The following PFDN1 variants were observed in gnomAD, a reference collection of about 807,000 sequenced individuals.
PFDN1 encodes prefoldin subunit 1.
PFDN1 carries 6 observed loss-of-function variants against 17.3 expected under a neutral mutation model. The ratio of observed to expected loss-of-function variants is 0.35; its 90% CI spans 0.19 to 0.69. The LOEUF is 0.69. Among genes scored for constraint, PFDN1 ranks in the 30% least tolerant of loss-of-function variants. The probability of loss-of-function intolerance (pLI) is 0.65; values close to 1 mark genes in which losing one functional copy is unlikely to be tolerated. For missense variants in PFDN1, 113 were observed against 146.2 expected, an observed-to-expected ratio of 0.77 and a Z score of 1.17; for synonymous variants, 58 against 50.1, an observed-to-expected ratio of 1.16 and a Z score of -0.67.
chr5:140,279,220 G>A (rs975292969), intron 3 of PFDN1, among the ~76,000 whole-genome samples: 7 of 152,104 alleles, frequency 4.6e-5, no homozygotes, highest in East Asian at 3.8e-4. Flanking sequence ...TGGATGTACC[G>A]AGGGTGGAAA....
At chr5:140,260,423 A>G (rs1008559089) in intron 3 of PFDN1, among the ~76,000 whole-genome samples, 2 of 151,974 alleles carry the variant, frequency 1.3e-5, no homozygotes, top group Admixed American at 6.6e-5. Flanking sequence ...CAACAGCCAA[A>G]AAGGGGAAAA....
chr5:140,253,172 AAGAC>A lies in PFDN1; in HGVS notation c.286-7119_286-7116del, dbSNP rs1764939119. Among the ~76,000 whole-genome samples, 4 of 152,326 alleles carry A rather than the reference AAGAC, an allele frequency of 2.6e-5. No individual in the cohort carries two copies. The East Asian group carries it at 5.8e-4, about 22-fold the overall frequency. The stretch of plus-strand genomic sequence containing the variant: ...CTTTAGAAATATCCTTCAGAAAAGA[AAGAC>A]AGAAAAGACCCTTCAGAGGTCTTTC... On this transcript the variant is annotated intron_variant, in intron 3 of 3. Transcript: ENST00000261813.
intron 3 of PFDN1, among the ~76,000 whole-genome samples, chr5:140,248,174 T>G (rs974755042): frequency 1.3e-5 from 2 of 151,362 alleles, no homozygotes; most frequent in African/African-American, 4.9e-5. Flanking sequence ...GTTCACACGA[T>G]TCTCCCGCCT....
chr5:140,281,668 G>A, intron 2 of PFDN1, 135 bp from the exon 3 acceptor site: 2 of 623,056 alleles, frequency 3.2e-6, no homozygotes, highest in African/African-American at 1.9e-5. Flanking sequence ...GTCAAGCTCA[G>A]GAAACCACCA....
chr5:140,249,914 T>C (rs908309963), intron 3 of PFDN1, among the ~76,000 whole-genome samples: 9 of 152,184 alleles, frequency 5.9e-5, no homozygotes, highest in African/African-American at 2.2e-4. Flanking sequence ...GGGGATCAAA[T>C]TTTTTTGCGG....
At chr5:140,261,177 A>G (rs1172099390) in intron 3 of PFDN1, among the ~76,000 whole-genome samples, 2 of 151,764 alleles carry the variant, frequency 1.3e-5, no homozygotes, top group African/African-American at 4.8e-5. Context: ...AAAAAAAAAA[A>G]AAAAGAAAGG....
chr5:140,281,282 T>G, intron 3 of PFDN1, 167 bp downstream of exon 3: 1 of 531,100 alleles, frequency 1.9e-6, no homozygotes, highest in South Asian at 2.5e-5. Context: ...TGGTCTTATA[T>G]GCGCTATGAA....
At chr5:140,277,397 G>A (rs1765312828) in intron 3 of PFDN1, among the ~76,000 whole-genome samples, 1 of 152,196 alleles carries the variant, frequency 6.6e-6, no homozygotes, top group South Asian at 2.1e-4. Context: ...ATATCCTACT[G>A]CAGATGGTGG....
At chr5:140,268,212 T>C (rs1232083200) in intron 3 of PFDN1, among the ~76,000 whole-genome samples, 1 of 152,128 alleles carries the variant, frequency 6.6e-6, no homozygotes, top group Non-Finnish European at 1.5e-5. Flanking sequence ...AATGAAGTAA[T>C]ATGCAAAAAT....
intron 3 of PFDN1, among the ~76,000 whole-genome samples, chr5:140,251,056 TC>T (rs1030192584): frequency 1.3e-5 from 2 of 152,090 alleles, no homozygotes; most frequent in African/African-American, 4.8e-5. Flanking sequence ...CATCTCAGCC[TC>T]CCGAGTAGCT....
intron 3 of PFDN1, among the ~76,000 whole-genome samples, chr5:140,275,119 A>G (rs1352154030): frequency 6.6e-6 from 1 of 151,810 alleles, no homozygotes; most frequent in Non-Finnish European, 1.5e-5. Context: ...CCATTAAGAC[A>G]CTGCTTGTGC....
intron 2 of PFDN1, among the ~76,000 whole-genome samples, chr5:140,291,608 T>C (rs973127380): frequency 1.3e-5 from 2 of 151,384 alleles, no homozygotes; most frequent in African/African-American, 4.9e-5. Flanking sequence ...GTTGTCAGTA[T>C]ATAAAAATGC....
intron 2 of PFDN1, among the ~76,000 whole-genome samples, chr5:140,299,956 G>A (rs916810707): frequency 6.6e-6 from 1 of 152,110 alleles, no homozygotes; most frequent in African/African-American, 2.4e-5. Flanking sequence ...AGATTGCAGT[G>A]AGCCAAGATC....
intron 3 of PFDN1, among the ~76,000 whole-genome samples, chr5:140,279,995 C>CAAAA (rs772575762): frequency 8.3e-4 from 26 of 31,218 alleles, no homozygotes; most frequent in African/African-American, 1.8e-3. Context: ...AACTCCGTCT[C>CAAAA]AAAAAAAAAA....
rs1260396496 is a variant in PFDN1 at position 140,254,099 on chromosome 5, C to A, written c.286-8042G>T. ...TTTCACTGTGGGGTTATCTCTGTTA[C>A]AACTACTCAGCTCTGCCATTGTAGC... is the stretch of plus-strand genomic sequence containing the variant. On this transcript the variant is annotated intron_variant, in intron 3 of 3. Transcript: ENST00000261813. The surrounding 1 kb of genome is among the most constrained non-coding windows in gnomAD (Gnocchi z 4.4). Among the ~76,000 whole-genome samples the A allele has an allele frequency of 3.3e-5, 5 of 152,148 alleles. No individual in the cohort carries two copies. Among genetic ancestry groups the A allele is most frequent in the African/African-American group, 9.7e-5 (4 of 41,440 alleles).
intron 3 of PFDN1, among the ~76,000 whole-genome samples, chr5:140,278,567 A>C (rs1581091928): frequency 6.7e-6 from 1 of 149,576 alleles, no homozygotes; most frequent in South Asian, 2.1e-4. Context: ...CAAAAAAAAA[A>C]AAAAAAAAAA....
chr5:140,266,031 A>G (rs1765129370), intron 3 of PFDN1, among the ~76,000 whole-genome samples: 1 of 152,104 alleles, frequency 6.6e-6, no homozygotes, highest in Non-Finnish European at 1.5e-5. Context: ...AGCCCCACCT[A>G]GCAAACTTCT....
At chr5:140,258,080 G>C (rs987607246) in intron 3 of PFDN1, among the ~76,000 whole-genome samples, 2 of 152,158 alleles carry the variant, frequency 1.3e-5, no homozygotes, top group African/African-American at 4.8e-5. Flanking sequence ...CAGAGATGAG[G>C]CTGGTGAGGC....
chr5:140,255,032 C>T (rs1349574535), intron 3 of PFDN1, among the ~76,000 whole-genome samples: 1 of 152,184 alleles, frequency 6.6e-6, no homozygotes, highest in Non-Finnish European at 1.5e-5. Context: ...GCTGAATGGT[C>T]TCACTTTAAA....
Sources: gnomAD v4.1 joint callset for allele counts (sites outside exome capture counted in the v4.1 genomes callset) on GRCh38, gnomAD v4.1.1 for gene constraint, Gnocchi (gnomAD v3.1) non-coding constraint, MANE v1.5 for transcripts, NCBI Gene and HGNC (gene_info 2026-07-23, HGNC 2026-07-21) for gene names.